AMOT: variants seen among roughly 807,000 people sequenced by gnomAD.
AMOT encodes the protein angiomotin.
AMOT carries 11 observed loss-of-function variants against 67.0 expected under a neutral mutation model. The observed-to-expected ratio is 0.16, with a 90% CI of 0.10 to 0.27. AMOT has a LOEUF of 0.27. Among genes scored for constraint, AMOT ranks in the 10% least tolerant of loss-of-function variants. AMOT has a pLI of 1.00. For synonymous variants in AMOT, 326 were observed against 321.4 expected (o/e 1.01, Z -0.15); for missense variants, 753 against 852.0 (o/e 0.88, Z 1.45).
At chrX:112,778,942 T>A in intron 13 of AMOT, 55 bp downstream of exon 13, 1 of 1,077,198 alleles carries the variant, frequency 9.3e-7, no homozygotes, top group Non-Finnish European at 1.3e-6. Flanking sequence ...AAGAAATAAA[T>A]CTGTATTTGA....
Position 112,814,549 on chromosome X carries a change from G to A in AMOT, c.1392+809C>T, listed in dbSNP as rs183779152. ...ACAATGACAAAAGCTGCAAAGAAGCGGCCAAAGGCATAACCCTATTCACCA... is the reference window on the plus strand; with the variant it reads ...ACAATGACAAAAGCTGCAAAGAAGCAGCCAAAGGCATAACCCTATTCACCA... On this transcript the variant is annotated intron_variant, in intron 5 of 13. Coordinates refer to ENST00000371959, the MANE Select transcript of AMOT (RefSeq NM_001113490.2). Among the ~76,000 whole-genome samples, 186 of 110,768 alleles carry A rather than the reference G, an allele frequency of 1.7e-3. 2 individuals carry two copies. Among genetic ancestry groups the A allele is most frequent in the Non-Finnish European group, 1.1e-3 (59 of 52,968 alleles).
chrX:112,829,109 T>C lies in AMOT; in HGVS notation c.-212+3185A>G, dbSNP rs772571848. On this transcript the variant is annotated intron_variant, in intron 2 of 13. Coordinates refer to ENST00000371959, the MANE Select transcript of AMOT (RefSeq NM_001113490.2). ...TATCATACCAGCTTGGCATTTGCTC[T>C]TACCTAACTCTAGCACTAGTTCAAG... Among the ~76,000 whole-genome samples, 9 of 112,095 alleles carry C rather than the reference T, an allele frequency of 8.0e-5. No homozygotes were observed. The East Asian group carries it at 1.7e-3, about 21-fold the overall frequency.
intron 9 of AMOT, 87 bp downstream of exon 9, chrX:112,791,745 T>C (rs1191043844): frequency 3.6e-6 from 4 of 1,107,544 alleles, no homozygotes; most frequent in Non-Finnish European, 4.9e-6. Context: ...TCAGTGTTCA[T>C]GTCAAATGCT....
rs552824019 is a variant in AMOT, at chrX:112,825,894, A to G, written c.-211-674T>C. Among the ~76,000 whole-genome samples, 8 of 109,176 alleles carry G rather than the reference A, an allele frequency of 7.3e-5. No individual in the cohort carries two copies. The East Asian group carries it at 1.5e-3, about 20-fold the overall frequency. 94.8% of individuals were successfully genotyped at this position (109,176 alleles called of 115,157 possible). A position where few individuals can be genotyped will look rare whatever the true frequency, so the allele number is the denominator to read the frequency against. ...TGATCATCTGATCAATGGTCCATCC[A>G]TTCTTGGAGTAGGAAAGTAGACTGC... is the stretch of plus-strand genomic sequence containing the variant. On this transcript the variant is annotated intron_variant, in intron 2 of 13. Transcript: ENST00000371959.
intron 8 of AMOT, among the ~76,000 whole-genome samples, chrX:112,801,929 G>C (rs1219890966): frequency 3.6e-5 from 4 of 112,190 alleles, no homozygotes; most frequent in Non-Finnish European, 7.5e-5. Context: ...GTTTTCCTTG[G>C]AAGAACTTCT....
chrX:112,793,151 G>C (rs976374892), intron 8 of AMOT, among the ~76,000 whole-genome samples: 1 of 110,739 alleles, frequency 9.0e-6, no homozygotes, highest in East Asian at 2.8e-4. Flanking sequence ...ATTCTTCCAA[G>C]TGGGTCACAT....
intron 10 of AMOT, among the ~76,000 whole-genome samples, chrX:112,784,801 T>C (rs1305321367): frequency 8.9e-6 from 1 of 112,235 alleles, no homozygotes; most frequent in Admixed American, 9.4e-5. Context: ...GCCAGGACTG[T>C]TGAAAAGTGC....
At position 112,828,146 on chromosome X, in the gene AMOT, C is replaced by A. The variant is rs1221301936; in HGVS notation, c.-211-2926G>T. ...GTACCCTAGAGAATAACTTTCCCAA[C>A]AGTCTTGCAACCCAAGATACCAATT... On this transcript the variant is annotated intron_variant, in intron 2 of 13. Coordinates refer to ENST00000371959, the MANE Select transcript of AMOT (RefSeq NM_001113490.2). 2.7e-5 allele frequency among the ~76,000 whole-genome samples: 3 copies of A among 110,678 alleles called. 1 individual carries two copies. In the Admixed American group the frequency reaches 2.9e-4, roughly 11 times the overall value.
intron 4 of AMOT, among the ~76,000 whole-genome samples, chrX:112,817,504 T>G (rs954512737): frequency 3.6e-5 from 4 of 112,235 alleles, no homozygotes; most frequent in Non-Finnish European, 7.5e-5. Flanking sequence ...TTACTGTTCA[T>G]GTATCCATCT....
At chrX:112,817,352 A>T (rs1432248941) in intron 4 of AMOT, among the ~76,000 whole-genome samples, 1 of 112,382 alleles carries the variant, frequency 8.9e-6, no homozygotes, top group African/African-American at 3.2e-5. Context: ...TTAGCTTGTT[A>T]CTTAAAGGAT....
intron 7 of AMOT, among the ~76,000 whole-genome samples, chrX:112,808,813 AAATTTAT>A (rs1934267033): frequency 8.9e-6 from 1 of 112,033 alleles, no homozygotes; most frequent in South Asian, 3.7e-4. Context: ...AATTTCACAA[AAATTTAT>A]ACTAGGCACT....
intron 1 of AMOT, among the ~76,000 whole-genome samples, 189 bp from the exon 2 acceptor site, chrX:112,832,559 C>A (rs1342974385): frequency 8.9e-6 from 1 of 111,958 alleles, no homozygotes; most frequent in African/African-American, 3.2e-5. Flanking sequence ...CATAACCCTC[C>A]ACAGAATTGC....
At chrX:112,784,041 T>C (rs760239770) in intron 10 of AMOT, among the ~76,000 whole-genome samples, 3 of 111,958 alleles carry the variant, frequency 2.7e-5, no homozygotes, top group Admixed American at 9.5e-5. Context: ...GTGTACCTTA[T>C]ATGCAAGGTT....
chrX:112,779,877 C>A (rs980711703), intron 12 of AMOT, among the ~76,000 whole-genome samples, 197 bp from the exon 13 acceptor site: 1 of 109,938 alleles, frequency 9.1e-6, no homozygotes, highest in Non-Finnish European at 1.9e-5. Context: ...ATTTTTGCCT[C>A]CAGGGAACCC....
chrX:112,840,259 G>C (rs1935259220), intron 1 of AMOT, among the ~76,000 whole-genome samples, 193 bp downstream of exon 1: 1 of 111,493 alleles, frequency 9.0e-6, no homozygotes, highest in Admixed American at 9.5e-5. Context: ...GGACGGGAAA[G>C]CAGCGCACAC....
chrX:112,782,716 T>C (rs552702393), intron 10 of AMOT, 54 bp from the exon 11 acceptor site: 42 of 1,158,443 alleles, frequency 3.6e-5, no homozygotes, highest in South Asian at 6.1e-5. Flanking sequence ...TCAATGAATG[T>C]TATCTTTCTT....
chrX:112,835,586 CT>C lies in AMOT; in HGVS notation c.-288-3217del, dbSNP rs141494395. Among the ~76,000 whole-genome samples, 603 of 92,247 alleles carry C rather than the reference CT, an allele frequency of 6.5e-3. 3 individuals are homozygous for C. The highest frequency in any genetic ancestry group is 0.02 in the African/African-American group (502 of 25,664). The allele number at this position is 92,247 out of a possible 115,157, so 80.1% of individuals were successfully genotyped here. On this transcript the variant is annotated intron_variant, in intron 1 of 13. Transcript: ENST00000371959. Reference sequence around the variant, plus strand: ...GTTTCCAGGAATGAATCCATCAAATCTTTTTTTTTTTTTTTTGAGACGGAGT... The same window carrying C: ...GTTTCCAGGAATGAATCCATCAAATCTTTTTTTTTTTTTTTGAGACGGAGT...
intron 8 of AMOT, among the ~76,000 whole-genome samples, chrX:112,796,616 T>C (rs957557893): frequency 2.7e-5 from 3 of 112,076 alleles, no homozygotes; most frequent in African/African-American, 9.7e-5. Flanking sequence ...TTAATGTAGA[T>C]CCCTAAACTG....
At chrX:112,839,890 C>G (rs907546255) in intron 1 of AMOT, among the ~76,000 whole-genome samples, 1 of 110,993 alleles carries the variant, frequency 9.0e-6, no homozygotes, top group Non-Finnish European at 1.9e-5. Flanking sequence ...CAACTCCCTC[C>G]TCACCACCAC....
Sources: gnomAD v4.1 joint callset for allele counts (sites outside exome capture counted in the v4.1 genomes callset) on GRCh38, gnomAD v4.1.1 for gene constraint, MANE v1.5 for transcripts, NCBI Gene and HGNC (gene_info 2026-07-23, HGNC 2026-07-21) for gene names.